SLC6A11: variants seen among roughly 807,000 people sequenced by gnomAD.
SLC6A11 encodes solute carrier family 6 member 11, also known as sodium- and chloride-dependent GABA transporter 3.
In SLC6A11, 25 loss-of-function variants were observed where a neutral mutation model predicts 74.8. That is an observed-to-expected ratio of 0.33 (90% CI 0.24 to 0.47). SLC6A11 has a LOEUF of 0.47. SLC6A11 is among the 20% of genes least tolerant of loss of function. The pLI is 1.00. For synonymous variants in SLC6A11, 330 were observed against 330.2 expected (o/e 1.00, Z 0.01); for missense variants, 574 against 837.0 (o/e 0.69, Z 3.88).
intron 6 of SLC6A11, among the ~76,000 whole-genome samples, chr3:10,880,095 G>T (rs1694957225): frequency 6.6e-6 from 1 of 152,192 alleles, no homozygotes; most frequent in African/African-American, 2.4e-5. Flanking sequence ...AACATCCTAA[G>T]CTAGTCTTAG....
At chr3:10,900,990 A>G (rs775949888) in intron 6 of SLC6A11, among the ~76,000 whole-genome samples, 9 of 152,236 alleles carry the variant, frequency 5.9e-5, no homozygotes, top group Admixed American at 5.9e-4. Flanking sequence ...GCATTTAGAG[A>G]GTGGGGGCTG....
intron 6 of SLC6A11, among the ~76,000 whole-genome samples, chr3:10,887,077 A>G (rs1695052781): frequency 6.6e-6 from 1 of 151,672 alleles, no homozygotes; most frequent in Non-Finnish European, 1.5e-5. Context: ...AGATGGATGG[A>G]TGGATGGGCA....
chr3:10,860,274 C>T (rs1609480), intron 5 of SLC6A11, among the ~76,000 whole-genome samples: 80,908 of 152,058 alleles, frequency 0.53, 22,541 homozygotes, highest in South Asian at 0.74. Flanking sequence ...AGTGATGAAA[C>T]AGGAACAGCT....
chr3:10,851,705 G>A (rs1358377579), intron 5 of SLC6A11, among the ~76,000 whole-genome samples: 1 of 152,258 alleles, frequency 6.6e-6, no homozygotes, highest in African/African-American at 2.4e-5. Flanking sequence ...GAAAACAAAT[G>A]TGCATGGTGC....
chr3:10,900,149 A>G (rs1410460938), intron 6 of SLC6A11, among the ~76,000 whole-genome samples: 1 of 152,254 alleles, frequency 6.6e-6, no homozygotes, highest in African/African-American at 2.4e-5. Context: ...AACTGGGGCT[A>G]GGAGAAAATA....
chr3:10,869,681 A>T (rs1381546449), intron 5 of SLC6A11, among the ~76,000 whole-genome samples: 10 of 152,240 alleles, frequency 6.6e-5, no homozygotes, highest in African/African-American at 2.4e-4. Flanking sequence ...GACCAGCGTT[A>T]TCCGACTCTA....
In SLC6A11 at chr3:10,866,449, G is replaced by T. The variant is rs575505483; in HGVS notation, c.757-8512G>T. ...TGCTGTGGTGGGATGGAGACCACCTGCTGGGCTGTTCCCAGCTCCAGTCCT... is the reference window on the plus strand; with the variant it reads ...TGCTGTGGTGGGATGGAGACCACCTTCTGGGCTGTTCCCAGCTCCAGTCCT... On this transcript the variant is annotated intron_variant, in intron 5 of 13. Coordinates refer to ENST00000254488, the MANE Select transcript of SLC6A11 (RefSeq NM_014229.3). Among the ~76,000 whole-genome samples the T allele has an allele frequency of 5.3e-5, 8 of 152,316 alleles. No homozygotes were observed. In the East Asian group the frequency reaches 1.5e-3, roughly 29 times the overall value.
At chr3:10,869,838 A>G (rs1356565253) in intron 5 of SLC6A11, among the ~76,000 whole-genome samples, 1 of 152,166 alleles carries the variant, frequency 6.6e-6, no homozygotes, top group Non-Finnish European at 1.5e-5. Flanking sequence ...CCAAGAAGAA[A>G]GGTGATGAAT....
intron 5 of SLC6A11, among the ~76,000 whole-genome samples, chr3:10,852,764 C>G (rs1392318059): frequency 6.6e-6 from 1 of 152,276 alleles, no homozygotes; most frequent in African/African-American, 2.4e-5. Context: ...AGTGGTTTTG[C>G]TCTCAGTGCA....
intron 7 of SLC6A11, among the ~76,000 whole-genome samples, chr3:10,914,541 G>T (rs1273566015): frequency 6.6e-6 from 1 of 152,148 alleles, no homozygotes; most frequent in Non-Finnish European, 1.5e-5. Context: ...GTGCCATCAG[G>T]CCGCCGTGAG....
chr3:10,853,493 T>C (rs1318007198), intron 5 of SLC6A11, among the ~76,000 whole-genome samples: 1 of 152,032 alleles, frequency 6.6e-6, no homozygotes, highest in Non-Finnish European at 1.5e-5. Context: ...GCCACCCATG[T>C]CAGTTGGCAT....
chr3:10,892,569 CTTT>C (rs538633528), intron 6 of SLC6A11, among the ~76,000 whole-genome samples: 46 of 137,828 alleles, frequency 3.3e-4, no homozygotes, highest in Admixed American at 4.4e-4. Flanking sequence ...CACTGTCTTC[CTTT>C]TTTTTTTTTT....
At chr3:10,890,418 G>T (rs2106615035) in intron 6 of SLC6A11, among the ~76,000 whole-genome samples, 1 of 152,356 alleles carries the variant, frequency 6.6e-6, no homozygotes. Context: ...AAGTCCATCT[G>T]TGAAGTGCTG....
intron 4 of SLC6A11, among the ~76,000 whole-genome samples, chr3:10,839,813 G>A (rs1694414468): frequency 1.3e-5 from 2 of 152,200 alleles, no homozygotes; most frequent in African/African-American, 4.8e-5. Flanking sequence ...TCTATTCCAA[G>A]CACCACTTCA....
chr3:10,933,153 T>A lies in SLC6A11; in HGVS notation c.1374T>A (p.Gly458=). The part of the protein sequence containing the change: ...YFLGLVMLTE[G]GMYIFQLFDS... ...TGTGTCTGTTCCCCGACCTGCAGGG[T>A]GGCATGTACATCTTCCAGCTCTTTG... is the stretch of plus-strand genomic sequence containing the variant. The change falls in exon 11 of 14, where the codon GGT becomes GGA. Residue 458 remains glycine (G), a splice_region_variant and synonymous_variant. Coordinates refer to ENST00000254488, the MANE Select transcript of SLC6A11 (RefSeq NM_014229.3). 6.2e-7 allele frequency: 1 copy of A among 1,612,574 alleles called. No individual in the cohort carries two copies. Among genetic ancestry groups the A allele is most frequent in the Non-Finnish European group, 8.5e-7 (1 of 1,178,666 alleles).
In SLC6A11 at chr3:10,918,817, C is replaced by G. The variant is rs1323098191; in HGVS notation, c.1120+364C>G. Among the ~76,000 whole-genome samples the G allele has an allele frequency of 6.6e-6, 1 of 152,072 alleles. No individual in the cohort carries two copies. Among genetic ancestry groups the G allele is most frequent in the Non-Finnish European group, 1.5e-5 (1 of 68,002 alleles). On this transcript the variant is annotated intron_variant, in intron 8 of 13. Transcript: ENST00000254488. The surrounding 1 kb of genome is among the most constrained non-coding windows in gnomAD (Gnocchi z 4.5). ...GCTGTTGTCACTTCCACTCCATGCT[C>G]TACCCTGCAGAGGGATTTTTTTTTT...
At chr3:10,823,060 A>G (rs944403274) in intron 3 of SLC6A11, among the ~76,000 whole-genome samples, 2 of 152,084 alleles carry the variant, frequency 1.3e-5, no homozygotes, top group Non-Finnish European at 2.9e-5. Flanking sequence ...TTTGATAGGG[A>G]GTGTTGGTTA....
At chr3:10,883,533 G>A (rs917610889) in intron 6 of SLC6A11, among the ~76,000 whole-genome samples, 5 of 152,126 alleles carry the variant, frequency 3.3e-5, no homozygotes, top group Non-Finnish European at 7.3e-5. Context: ...AGACTAAGGC[G>A]TCCAAACTCT....
chr3:10,841,562 C>G (rs1346753791), intron 4 of SLC6A11, among the ~76,000 whole-genome samples: 1 of 152,214 alleles, frequency 6.6e-6, no homozygotes, highest in African/African-American at 2.4e-5. Context: ...AGCAATTCAT[C>G]CTCCGTAGCT....
Sources: gnomAD v4.1 joint callset for allele counts (sites outside exome capture counted in the v4.1 genomes callset) on GRCh38, gnomAD v4.1.1 for gene constraint, Gnocchi (gnomAD v3.1) non-coding constraint, MANE v1.5 for transcripts, NCBI Gene and HGNC (gene_info 2026-07-23, HGNC 2026-07-21) for gene names.